Variants in LRIG2 observed in about 807,000 individuals in gnomAD.
LRIG2 encodes the protein leucine rich repeats and immunoglobulin like domains 2.
Under a neutral mutation model 107.8 loss-of-function variants are expected in LRIG2, and 93 were observed. The ratio of observed to expected loss-of-function variants is 0.86; its 90% CI spans 0.73 to 1.03. LRIG2 has a LOEUF of 1.03. Ranked by LOEUF, LRIG2 falls within the 50% of genes least tolerant of loss-of-function variation. LRIG2 has a pLI of 0.00. For missense variants in LRIG2, 1,226 were observed against 1,296.0 expected (o/e 0.95, Z 0.83); for synonymous variants, 471 against 470.6 (o/e 1.00, Z -0.01).
In LRIG2 at chr1:113,073,443, T is replaced by C. The variant is rs1652794572; in HGVS notation, c.37T>C (p.Leu13=). 3 of 1,614,090 alleles carry C rather than the reference T, an allele frequency of 1.9e-6. No individual in the cohort carries two copies. Among genetic ancestry groups the C allele is most frequent in the Non-Finnish European group, 2.5e-6 (3 of 1,179,978 alleles). The change falls in exon 1 of 18, where the codon TTG becomes CTG. Residue 13 remains leucine, a synonymous_variant. Transcript: ENST00000361127. ...PAPLGVPEEQ[L]LGCRSRVLSR... Reference sequence around the variant, plus strand: ...GCCCCTAGGCGTCCCGGAGGAGCAGTTGCTGGGGTGTCGATCTAGAGTGCT... The same window carrying C: ...GCCCCTAGGCGTCCCGGAGGAGCAGCTGCTGGGGTGTCGATCTAGAGTGCT...
Position 113,124,355 on chromosome 1 carries a change from T to G in LRIG2, c.*254T>G. ...AGGGAAGATACGGGGCAAATGTGCT[T>G]CCTGATGCTTCCATGGGGATGTGCC... On this transcript the variant is annotated 3_prime_UTR_variant, in exon 18 of 18. Transcript: ENST00000361127. 1 of 521,686 alleles carries G rather than the reference T, an allele frequency of 1.9e-6. No homozygotes were observed. The highest frequency in any genetic ancestry group is 3.5e-6 in the Non-Finnish European group (1 of 288,092). The allele number at this position is 521,686 out of a possible 1,614,324, so 32.3% of individuals were successfully genotyped here.
At chr1:113,076,758 C>G (rs1365121130) in intron 1 of LRIG2, among the ~76,000 whole-genome samples, 1 of 152,090 alleles carries the variant, frequency 6.6e-6, no homozygotes, top group Non-Finnish European at 1.5e-5. Context: ...GGACAAAATT[C>G]ATTAATACTG....
chr1:113,116,571 A>T (rs1242262222), intron 16 of LRIG2, 135 bp downstream of exon 16: 5 of 744,692 alleles, frequency 6.7e-6, no homozygotes, highest in Non-Finnish European at 1.1e-5. Context: ...CCACATGCAA[A>T]ATAGGATGAA....
intron 8 of LRIG2, among the ~76,000 whole-genome samples, 196 bp downstream of exon 8, chr1:113,096,561 C>G (rs1423569652): frequency 6.6e-6 from 1 of 152,180 alleles, no homozygotes; most frequent in Non-Finnish European, 1.5e-5. Flanking sequence ...GTAGGCAATT[C>G]AGTTTGTAGT....
intron 12 of LRIG2, among the ~76,000 whole-genome samples, chr1:113,108,612 C>G (rs1654639163): frequency 1.3e-5 from 2 of 151,878 alleles, no homozygotes; most frequent in Admixed American, 6.5e-5. Context: ...CACTGTGGCT[C>G]ACACCTGTAA....
chr1:113,112,671 A>G lies in LRIG2; in HGVS notation c.1991A>G (p.Asn664Ser), dbSNP rs139313157. 1.2e-5 allele frequency: 19 copies of G among 1,614,096 alleles called. No individual in the cohort carries two copies. In the African/African-American group the frequency reaches 2.0e-4, roughly 17 times the overall value. The part of the protein sequence containing the change: ...MPEDDVFFIA[N>S]VKIEDMGIYS... ...GAGGATGACGTCTTCTTTATTGCCA[A>G]TGTGAAAATAGAAGATATGGGAATC... The change falls in exon 14 of 18, where the codon AAT (asparagine) becomes AGT (serine). Residue 664 changes from asparagine (N) to serine (S), a missense_variant. Asn to Ser is a conservative substitution (Grantham distance 46). This residue lies in a region of LRIG2 where 642 missense variants were observed against 712.2 expected (regional missense o/e 0.90). Coordinates refer to ENST00000361127, the MANE Select transcript of LRIG2 (RefSeq NM_014813.3).
Position 113,093,217 on chromosome 1 carries a change from A to G in LRIG2, c.317A>G (p.Tyr106Cys). ...TTCCTCTTGCCTAGGAAAATGAATT[A>G]CAATGAACTAACAGAAATCCCGTAT... ...SQTLQEVKMN[Y>C]NELTEIPYFG... The change falls in exon 3 of 18, where the codon TAC becomes TGC. Residue 106 changes from tyrosine to cysteine, a missense_variant. Physicochemically the swap from Tyr to Cys is radical, Grantham distance 194. This residue lies in a region of LRIG2 where 570 missense variants were observed against 550.2 expected (regional missense o/e 1.04). Transcript: ENST00000361127. 6.3e-7 allele frequency: 1 copy of G among 1,592,066 alleles called. No individual in the cohort carries two copies.
intron 1 of LRIG2, among the ~76,000 whole-genome samples, chr1:113,084,658 T>C (rs1653467006): frequency 6.6e-6 from 1 of 152,198 alleles, no homozygotes; most frequent in Admixed American, 6.5e-5. Flanking sequence ...ATCAAAGGAT[T>C]ACTTGTATAT....
rs752098704 is a variant in LRIG2 at position 113,126,865 on chromosome 1, T to C, written c.*2764T>C. ...CCTGTAATCTTCATCACTCAGGTTA[T>C]TTGCAAGTAGAAAGCTTCTGGAACC... On this transcript the variant is annotated 3_prime_UTR_variant, in exon 18 of 18. Transcript: ENST00000361127. 5.5e-5 allele frequency: 9 copies of C among 164,384 alleles called. No individual in the cohort carries two copies. Among genetic ancestry groups the C allele is most frequent in the Admixed American group, 5.2e-4 (8 of 15,310 alleles). The allele number at this position is 164,384 out of a possible 1,614,324, so 10.2% of individuals were successfully genotyped here. A position where few individuals can be genotyped will look rare whatever the true frequency, so the allele number is the denominator to read the frequency against.
intron 1 of LRIG2, among the ~76,000 whole-genome samples, chr1:113,078,380 C>A (rs148440222): frequency 1.3e-5 from 2 of 151,452 alleles, no homozygotes; most frequent in Admixed American, 1.3e-4. Flanking sequence ...CTGGGATTAC[C>A]GGTGCCCACC....
At chr1:113,093,656 G>A (rs1653924125) in intron 4 of LRIG2, 92 bp downstream of exon 4, 1 of 732,370 alleles carries the variant, frequency 1.4e-6, no homozygotes, top group Admixed American at 2.4e-5. Flanking sequence ...ATAGCACTGG[G>A]AGATATACCT....
At chr1:113,073,846 TATGAAGACGAGG>T (rs1028624624) in intron 1 of LRIG2, among the ~76,000 whole-genome samples, 1 of 152,002 alleles carries the variant, frequency 6.6e-6, no homozygotes, top group Admixed American at 6.6e-5. Flanking sequence ...TGGAGAATTG[TATGAAGACGAGG>T]GTTAAGATTC....
chr1:113,085,227 A>G (rs1653493733), intron 1 of LRIG2, among the ~76,000 whole-genome samples: 1 of 152,246 alleles, frequency 6.6e-6, no homozygotes, highest in Non-Finnish European at 1.5e-5. Context: ...AACCATTAAC[A>G]GAGGAACAGT....
At chr1:113,100,398 G>A (rs889503594) in intron 10 of LRIG2, 22 bp from the exon 11 acceptor site, 8 of 1,479,832 alleles carry the variant, frequency 5.4e-6, no homozygotes, top group Non-Finnish European at 7.5e-6. Flanking sequence ...GACTGATAAT[G>A]TTTCATTTCT....
intron 1 of LRIG2, among the ~76,000 whole-genome samples, chr1:113,081,230 C>T (rs887235372): frequency 6.6e-6 from 1 of 152,138 alleles, no homozygotes; most frequent in African/African-American, 2.4e-5. Context: ...AACGTATCCA[C>T]AAGTAATCTT....
intron 9 of LRIG2, among the ~76,000 whole-genome samples, chr1:113,099,088 C>T (rs1341141488): frequency 6.6e-6 from 1 of 152,024 alleles, no homozygotes; most frequent in African/African-American, 2.4e-5. Flanking sequence ...AAGCGCATGC[C>T]ACCATGCCCA....
intron 11 of LRIG2, among the ~76,000 whole-genome samples, chr1:113,100,971 T>A (rs1225827688): frequency 3.3e-5 from 5 of 152,278 alleles, no homozygotes; most frequent in Admixed American, 3.3e-4. Flanking sequence ...TATCATTTTA[T>A]ACCCTTTTTC....
chr1:113,081,156 A>G (rs1348218289), intron 1 of LRIG2, among the ~76,000 whole-genome samples: 1 of 152,142 alleles, frequency 6.6e-6, no homozygotes, highest in African/African-American at 2.4e-5. Context: ...AGTTATTACT[A>G]ACTCTGGTTC....
At chr1:113,076,206 A>G (rs1030201177) in intron 1 of LRIG2, among the ~76,000 whole-genome samples, 3 of 151,852 alleles carry the variant, frequency 2.0e-5, no homozygotes, top group South Asian at 2.1e-4. Context: ...GGGTTTCACC[A>G]TGTTGGCCAG....
Sources: allele counts gnomAD v4.1 joint callset (sites outside exome capture counted in the v4.1 genomes callset), GRCh38; gene constraint gnomAD v4.1.1; regional missense constraint gnomAD v4.1.1; transcripts MANE v1.5; gene names NCBI Gene and HGNC (gene_info 2026-07-23, HGNC 2026-07-21).